The following TSEN2 variants were observed in gnomAD, a reference collection of about 807,000 sequenced individuals.
The protein encoded by TSEN2 is tRNA splicing endonuclease subunit 2, also known as tRNA-splicing endonuclease subunit Sen2.
In TSEN2, 54 loss-of-function variants were observed where a neutral mutation model predicts 59.2. That is an observed-to-expected ratio of 0.91 (90% CI 0.73 to 1.14). The LOEUF (loss-of-function observed/expected upper bound fraction) is 1.14. Among genes scored for constraint, TSEN2 ranks in the 50% most tolerant of loss-of-function variants. The pLI, the probability that TSEN2 is intolerant of heterozygous loss-of-function variation, is 0.00. For missense variants in TSEN2, 636 were observed against 576.2 expected (o/e 1.10, Z -1.06); for synonymous variants, 195 against 198.2 (o/e 0.98, Z 0.14).
intron 1 of TSEN2, among the ~76,000 whole-genome samples, chr3:12,488,046 C>T (rs909401555): frequency 6.6e-6 from 1 of 152,182 alleles, no homozygotes; most frequent in Non-Finnish European, 1.5e-5. Context: ...CTGTGTTTTT[C>T]TGTGTCCTCA....
downstream of TSEN2, among the ~76,000 whole-genome samples, chr3:12,538,432 T>C (rs547424028): frequency 6.6e-6 from 1 of 152,272 alleles, no homozygotes; most frequent in African/African-American, 2.4e-5. Flanking sequence ...AAGTATCTGA[T>C]TGTGTAACTA....
intron 4 of TSEN2, among the ~76,000 whole-genome samples, chr3:12,499,404 G>A (rs933665276): frequency 1.3e-5 from 2 of 152,214 alleles, no homozygotes; most frequent in Non-Finnish European, 2.9e-5. Context: ...ACAGTCTAGT[G>A]AGAGAGGAAG....
chr3:12,480,528 G>GGTTTTTTTTTTTTT (rs1553565213), upstream of TSEN2, among the ~76,000 whole-genome samples: 151 of 91,744 alleles, frequency 1.6e-3, 7 homozygotes, highest in African/African-American at 6.2e-3. Context: ...TTGTTTCTTT[G>GGTTTTTTTTTTTTT]TTTTTTTTTT....
intron 8 of TSEN2, among the ~76,000 whole-genome samples, chr3:12,523,523 A>ATTTTTTTTTTTTTTTTTT (rs1386382924): frequency 2.0e-4 from 10 of 51,010 alleles, no homozygotes; most frequent in Non-Finnish European, 2.6e-4. Flanking sequence ...TTCCTCTTTG[A>ATTTTTTTTTTTTTTTTTT]TTCTTTTTTT....
At chr3:12,508,646 T>C (rs747465658) in intron 6 of TSEN2, among the ~76,000 whole-genome samples, 2 of 152,194 alleles carry the variant, frequency 1.3e-5, no homozygotes, top group Non-Finnish European at 2.9e-5. Flanking sequence ...GATGTGGACA[T>C]GCGGCCTTGT....
At chr3:12,526,849 G>A (rs188733543) in intron 8 of TSEN2, among the ~76,000 whole-genome samples, 18 of 152,292 alleles carry the variant, frequency 1.2e-4, no homozygotes, top group Admixed American at 5.2e-4. Context: ...TTGCCTTGTG[G>A]GTGTGAGCTA....
At chr3:12,508,304 G>A (rs1575342140) in intron 6 of TSEN2, among the ~76,000 whole-genome samples, 1 of 152,312 alleles carries the variant, frequency 6.6e-6, no homozygotes, top group East Asian at 1.9e-4. Flanking sequence ...AGGAGATGAG[G>A]TTACTCTGCC....
chr3:12,494,757 G>A (rs1336999706), intron 3 of TSEN2, among the ~76,000 whole-genome samples: 4 of 152,084 alleles, frequency 2.6e-5, no homozygotes, highest in Non-Finnish European at 5.9e-5. Context: ...AGTAGGAAGG[G>A]ATGAAACAGG....
intron 6 of TSEN2, among the ~76,000 whole-genome samples, chr3:12,513,280 G>A (rs1381140663): frequency 6.6e-6 from 1 of 152,180 alleles, no homozygotes; most frequent in Non-Finnish European, 1.5e-5. Flanking sequence ...TATTAGGCAA[G>A]GATGGGATTG....
At chr3:12,516,979 C>T (rs2056188998) in intron 7 of TSEN2, among the ~76,000 whole-genome samples, 1 of 152,118 alleles carries the variant, frequency 6.6e-6, no homozygotes, top group Admixed American at 6.5e-5. Flanking sequence ...GTATTTGGCA[C>T]CTACTATGGT....
At chr3:12,521,868 A>G (rs371750146) in intron 8 of TSEN2, among the ~76,000 whole-genome samples, 63 of 152,014 alleles carry the variant, frequency 4.1e-4, no homozygotes, top group Non-Finnish European at 7.6e-4. Context: ...AAAATTAGCC[A>G]GACGTGGTGG....
intron 2 of TSEN2, among the ~76,000 whole-genome samples, chr3:12,490,854 A>G (rs1329675748): frequency 6.6e-6 from 1 of 152,204 alleles, no homozygotes; most frequent in Non-Finnish European, 1.5e-5. Context: ...GGCACTGGCC[A>G]TGGTGAGGCA....
intron 6 of TSEN2, among the ~76,000 whole-genome samples, chr3:12,508,385 T>TGTGC (rs2055063015): frequency 6.6e-6 from 1 of 152,208 alleles, no homozygotes; most frequent in Non-Finnish European, 1.5e-5. Flanking sequence ...GAGCACACCG[T>TGTGC]TAAACCTAGC....
intron 1 of TSEN2, among the ~76,000 whole-genome samples, chr3:12,486,936 A>G (rs2052675957): frequency 2.0e-5 from 3 of 152,238 alleles, no homozygotes; most frequent in South Asian, 4.1e-4. Flanking sequence ...CTGGTCAACT[A>G]TTGATGGACA....
At chr3:12,500,823 A>C (rs932648819) in intron 4 of TSEN2, among the ~76,000 whole-genome samples, 1 of 152,174 alleles carries the variant, frequency 6.6e-6, no homozygotes, top group Admixed American at 6.5e-5. Flanking sequence ...GTGATGGAGC[A>C]AGGATTGGAA....
rs533040515 is a variant in TSEN2 at position 12,513,169 on chromosome 3, T to C, written c.910-3442T>C. ...ATTTTAGGCCAATAAAAATGAGATA[T>C]TGGTTTCATTCACTCTTGGGGAAAT... On this transcript the variant is annotated intron_variant, in intron 6 of 11. Coordinates refer to ENST00000284995, the MANE Select transcript of TSEN2 (RefSeq NM_025265.4). 7.0e-4 allele frequency among the ~76,000 whole-genome samples: 106 copies of C among 152,350 alleles called. No individual in the cohort carries two copies. The South Asian group carries it at 7.0e-3, about 10-fold the overall frequency.
intron 4 of TSEN2, among the ~76,000 whole-genome samples, chr3:12,502,268 G>A (rs756536244): frequency 6.6e-6 from 1 of 152,200 alleles, no homozygotes; most frequent in Admixed American, 6.5e-5. Context: ...AAAACAAGCT[G>A]AGAGCGGTGG....
At chr3:12,517,777 G>A (rs2056285296) in intron 7 of TSEN2, among the ~76,000 whole-genome samples, 2 of 152,158 alleles carry the variant, frequency 1.3e-5, no homozygotes, top group Non-Finnish European at 2.9e-5. Context: ...GGCCTTAGCT[G>A]AAATGTGTCA....
chr3:12,519,274 T>C, intron 8 of TSEN2, 77 bp downstream of exon 8: 1 of 1,570,960 alleles, frequency 6.4e-7, no homozygotes, highest in African/African-American at 1.3e-5. Flanking sequence ...ATTGATCTTG[T>C]GTGCTGTTGA....
Sources: allele counts gnomAD v4.1 joint callset (sites outside exome capture counted in the v4.1 genomes callset), GRCh38; gene constraint gnomAD v4.1.1; transcripts MANE v1.5; gene names NCBI Gene and HGNC (gene_info 2026-07-23, HGNC 2026-07-21).